Variants in FAM124B observed in about 807,000 individuals in gnomAD.
The protein encoded by FAM124B is protein FAM124B.
In FAM124B, 18 loss-of-function variants were observed where a neutral mutation model predicts 19.7. That is an observed-to-expected ratio of 0.92 (90% CI 0.63 to 1.36). FAM124B has a LOEUF of 1.36. Ranked by LOEUF, FAM124B falls within the 40% of genes most tolerant of loss-of-function variation. FAM124B has a pLI of 0.00. For synonymous variants in FAM124B, 223 were observed against 225.2 expected, an observed-to-expected ratio of 0.99 and a Z score of 0.09; for missense variants, 540 against 553.3, an observed-to-expected ratio of 0.98 and a Z score of 0.24.
intron 1 of FAM124B, among the ~76,000 whole-genome samples, chr2:224,400,806 G>A (rs1690055196): frequency 6.6e-6 from 1 of 152,132 alleles, no homozygotes; most frequent in African/African-American, 2.4e-5. Context: ...TGAGATCAGT[G>A]ATTCTCAACC....
At chr2:224,394,281 C>G (rs1689934695) in intron 1 of FAM124B, among the ~76,000 whole-genome samples, 1 of 152,110 alleles carries the variant, frequency 6.6e-6, no homozygotes, top group Admixed American at 6.5e-5. Flanking sequence ...TGCCCCTAGC[C>G]CATGCCCCCT....
intron 1 of FAM124B, among the ~76,000 whole-genome samples, chr2:224,391,914 T>C (rs1689894415): frequency 6.6e-6 from 1 of 152,220 alleles, no homozygotes; most frequent in African/African-American, 2.4e-5. Flanking sequence ...CTTAGGTAGA[T>C]TACGAAAAGC....
intron 1 of FAM124B, among the ~76,000 whole-genome samples, chr2:224,387,046 T>G (rs1032213709): frequency 1.3e-5 from 2 of 152,154 alleles, no homozygotes; most frequent in Non-Finnish European, 2.9e-5. Flanking sequence ...GTTATTAACA[T>G]AGAAATGCAG....
Position 224,379,994 on chromosome 2 carries a change from C to T in FAM124B, c.947G>A (p.Ser316Asn), listed in dbSNP as rs1274223232. The T allele has an allele frequency of 1.9e-6, 3 of 1,551,728 alleles. No homozygotes were observed. In the East Asian group the frequency reaches 7.3e-5, roughly 38 times the overall value. ...GCTGACCTGGAATGACCGGCCAGGG[C>T]TTTTCCACGAAGTGCCAGCACACCT... is the stretch of plus-strand genomic sequence containing the variant. ...SDRCAGTSWK[S>N]PGRSFQVSSP... is the part of the protein sequence containing the mutation. Residue 316 changes from serine to asparagine, a missense_variant, in exon 2 of 2, where the codon AGC (serine) becomes AAC (asparagine). Transcript: ENST00000409685.
intron 1 of FAM124B, chr2:224,400,472 C>T: frequency 2.9e-6 from 2 of 697,612 alleles, no homozygotes; most frequent in Non-Finnish European, 5.2e-6. Flanking sequence ...CACCACCGCA[C>T]TCGAGTCTGG....
chr2:224,388,374 G>A (rs773087714), intron 1 of FAM124B, among the ~76,000 whole-genome samples: 4 of 152,194 alleles, frequency 2.6e-5, no homozygotes, highest in South Asian at 2.1e-4. Flanking sequence ...TAAACATACC[G>A]TGGAATAGTA....
Position 224,401,161 on chromosome 2 carries a change from G to C in FAM124B, c.608C>G (p.Ser203Trp), listed in dbSNP as rs371374350. The change falls in exon 1 of 2, where the codon TCG (serine) becomes TGG (tryptophan). Residue 203 changes from serine (S) to tryptophan (W), a missense_variant. By Grantham distance (177) the Ser-to-Trp change is radical. Coordinates refer to ENST00000409685, the MANE Select transcript of FAM124B (RefSeq NM_001122779.2). ...PGMSVDPKES[S>W]VLQFKVQEIG... ...CTCTTGAACCTTAAACTGCAGCACC[G>C]AAGACTCTTTGGGGTCCACTGACAT... 2 of 1,614,176 alleles carry C rather than the reference G, an allele frequency of 1.2e-6. No homozygotes were observed. Among genetic ancestry groups the C allele is most frequent in the Admixed American group, 1.7e-5 (1 of 60,010 alleles).
intron 1 of FAM124B, among the ~76,000 whole-genome samples, chr2:224,397,447 G>C (rs1380699714): frequency 6.6e-6 from 1 of 152,144 alleles, no homozygotes; most frequent in Non-Finnish European, 1.5e-5. Context: ...AACTAATAGA[G>C]TAAATTGGTA....
At chr2:224,385,905 T>C (rs1574572025) in intron 1 of FAM124B, among the ~76,000 whole-genome samples, 1 of 152,154 alleles carries the variant, frequency 6.6e-6, no homozygotes, top group South Asian at 2.1e-4. Context: ...TCATCACCTC[T>C]TGTCTGAATT....
rs770789110 is a variant in FAM124B, at chr2:224,401,139, T to C, written c.630A>G (p.Gln210=). 68 of 1,614,064 alleles carry C rather than the reference T, an allele frequency of 4.2e-5. No individual in the cohort carries two copies. In the Middle Eastern group the frequency reaches 6.6e-4, roughly 16 times the overall value. ...KESSVLQFKV[Q]EIGQLVPLLP... is the part of the protein sequence containing the mutation. ...GCAGAGGCACTAACTGGCCGATCTC[T>C]TGAACCTTAAACTGCAGCACCGAAG... Residue 210 remains glutamine, a synonymous_variant, in exon 1 of 2, where the codon CAA becomes CAG. Transcript: ENST00000409685.
At chr2:224,384,645 T>C (rs1048361662) in intron 1 of FAM124B, among the ~76,000 whole-genome samples, 2 of 152,168 alleles carry the variant, frequency 1.3e-5, no homozygotes, top group East Asian at 1.9e-4. Context: ...AAAACTGTCC[T>C]GAAATCTTCA....
Position 224,379,349 on chromosome 2 carries a change from T to C in FAM124B, c.*224A>G. On this transcript the variant is annotated 3_prime_UTR_variant, in exon 2 of 2. Coordinates refer to ENST00000409685, the MANE Select transcript of FAM124B (RefSeq NM_001122779.2). ...ACGGAACAAAAGCATTCGGTTTTTT[T>C]CCCTGTGTGTTGGCTGTGTTCTCTT... The C allele has an allele frequency of 3.4e-6, 2 of 596,898 alleles. No individual in the cohort carries two copies. The highest frequency in any genetic ancestry group is 2.6e-5 in the South Asian group (1 of 38,500). The allele number at this position is 596,898 out of a possible 1,614,324, so 37.0% of individuals were successfully genotyped here. A position where few individuals can be genotyped will look rare whatever the true frequency, so the allele number is the denominator to read the frequency against.
chr2:224,385,660 A>G (rs1295473805), intron 1 of FAM124B, among the ~76,000 whole-genome samples: 1 of 152,146 alleles, frequency 6.6e-6, no homozygotes, highest in Non-Finnish European at 1.5e-5. Context: ...ACATGCCCCA[A>G]ATCATCTGCA....
intron 1 of FAM124B, among the ~76,000 whole-genome samples, chr2:224,384,951 G>A (rs750702287): frequency 1.1e-4 from 17 of 151,880 alleles, no homozygotes; most frequent in Admixed American, 3.9e-4. Flanking sequence ...CTTTCCAACA[G>A]CAATTAAACT....
chr2:224,390,939 G>A, intron 1 of FAM124B, among the ~76,000 whole-genome samples: 1 of 151,090 alleles, frequency 6.6e-6, no homozygotes. Context: ...TCCTGACCTC[G>A]TGATCCACCC....
chr2:224,390,976 T>G (rs1256764267), intron 1 of FAM124B, among the ~76,000 whole-genome samples: 1 of 150,692 alleles, frequency 6.6e-6, no homozygotes, highest in African/African-American at 2.4e-5. Flanking sequence ...GTGCTGGGAT[T>G]ACAGGCATGA....
At position 224,379,843 on chromosome 2, in the gene FAM124B, G is replaced by A. The variant is rs935185309; in HGVS notation, c.1098C>T (p.Gly366=). Residue 366 remains glycine (G), a synonymous_variant, in exon 2 of 2, where the codon GGC becomes GGT. Coordinates refer to ENST00000409685, the MANE Select transcript of FAM124B (RefSeq NM_001122779.2). ...KLEAETNVDT[G]LTIINSEPRQ... The stretch of plus-strand genomic sequence containing the variant: ...TGGGTTCAGAATTTATGATGGTCAA[G>A]CCGGTGTCAACATTCGTCTCGGCCT... The A allele has an allele frequency of 6.4e-7, 1 of 1,552,044 alleles. No individual in the cohort carries two copies. Among genetic ancestry groups the A allele is most frequent in the African/African-American group, 1.4e-5 (1 of 73,050 alleles).
intron 1 of FAM124B, among the ~76,000 whole-genome samples, chr2:224,383,662 C>T (rs1689759224): frequency 6.6e-6 from 1 of 152,192 alleles, no homozygotes; most frequent in African/African-American, 2.4e-5. Flanking sequence ...CCAATGAAGA[C>T]TATTTGCTTA....
chr2:224,390,681 C>G (rs1048619198), intron 1 of FAM124B, among the ~76,000 whole-genome samples: 1 of 148,704 alleles, frequency 6.7e-6, no homozygotes, highest in African/African-American at 2.5e-5. Context: ...TCCCCCAATA[C>G]TTGTCAACAA....
Sources: allele counts gnomAD v4.1 joint callset (sites outside exome capture counted in the v4.1 genomes callset), GRCh38; gene constraint gnomAD v4.1.1; transcripts MANE v1.5; gene names NCBI Gene and HGNC (gene_info 2026-07-23, HGNC 2026-07-21).